TAFA5: variants seen among roughly 807,000 people sequenced by gnomAD.
TAFA5 encodes the protein TAFA chemokine like family member 5, also known as chemokine-like protein TAFA-5.
A neutral mutation model predicts 15.3 loss-of-function variants in TAFA5; 6 were observed. That is an observed-to-expected ratio of 0.39 (90% CI 0.21 to 0.77). TAFA5 has a LOEUF of 0.77. Among genes scored for constraint, TAFA5 ranks in the 30% least tolerant of loss-of-function variants. The pLI, the probability that TAFA5 is intolerant of heterozygous loss-of-function variation, is 0.41. For missense variants in TAFA5, 161 were observed against 193.1 expected (o/e 0.83, Z 0.98); for synonymous variants, 103 against 80.7 (o/e 1.28, Z -1.48).
chr22:48,546,604 C>T (rs1170463509), intron 1 of TAFA5: 11 of 471,016 alleles, frequency 2.3e-5, no homozygotes, highest in Non-Finnish European at 4.4e-5. Context: ...TTGGGGAATC[C>T]TAAAAGGATC....
chr22:48,577,651 C>T (rs1487339022), intron 1 of TAFA5, among the ~76,000 whole-genome samples: 2 of 152,196 alleles, frequency 1.3e-5, no homozygotes, highest in Non-Finnish European at 2.9e-5. Context: ...AATGAGCCGC[C>T]GGAGGCCTGG....
chr22:48,498,615 A>G (rs187324712), intron 1 of TAFA5, among the ~76,000 whole-genome samples: 1 of 152,072 alleles, frequency 6.6e-6, no homozygotes, highest in African/African-American at 2.4e-5. Flanking sequence ...CTCCCAGTTC[A>G]GGGTTTCTCA....
rs374371483 is a variant in TAFA5 at position 48,537,088 on chromosome 22, G to A, written c.112+47384G>A. Reference sequence around the variant, plus strand: ...CAAACAAAAACCCCCTCGGCCTCCCGGTCTGGCAGGAATTGGGGAGGTCCC... The same window carrying A: ...CAAACAAAAACCCCCTCGGCCTCCCAGTCTGGCAGGAATTGGGGAGGTCCC... On this transcript the variant is annotated intron_variant, in intron 1 of 3. Transcript: ENST00000402357. Among the ~76,000 whole-genome samples, 12 of 152,324 alleles carry A rather than the reference G, an allele frequency of 7.9e-5. 1 individual carries two copies. In the East Asian group the frequency reaches 1.4e-3, roughly 17 times the overall value.
intron 1 of TAFA5, among the ~76,000 whole-genome samples, chr22:48,583,622 A>AAT (rs1924186857): frequency 2.4e-4 from 1 of 4,156 alleles, no homozygotes; most frequent in Non-Finnish European, 5.5e-4. Flanking sequence ...CCACACACGA[A>AAT]ATACACCATA....
chr22:48,571,594 T>TTC (rs1923593417), intron 1 of TAFA5, among the ~76,000 whole-genome samples: 1 of 141,896 alleles, frequency 7.0e-6, no homozygotes, highest in African/African-American at 2.7e-5. Context: ...TTTTTTTTTT[T>TTC]TTTTTTTTTT....
intron 1 of TAFA5, among the ~76,000 whole-genome samples, chr22:48,585,028 A>G (rs893142016): frequency 1.8e-5 from 2 of 113,684 alleles, no homozygotes; most frequent in Admixed American, 2.2e-4. Context: ...CACCACACAC[A>G]CTAGATACCA....
At chr22:48,620,355 A>G (rs1925757890) in intron 1 of TAFA5, among the ~76,000 whole-genome samples, 1 of 151,872 alleles carries the variant, frequency 6.6e-6, no homozygotes, top group Non-Finnish European at 1.5e-5. Flanking sequence ...TCCTTCCCAT[A>G]TTTGTGTAAA....
chr22:48,629,463 A>AC (rs369817511), intron 1 of TAFA5, among the ~76,000 whole-genome samples: 49 of 152,250 alleles, frequency 3.2e-4, no homozygotes, highest in African/African-American at 1.0e-3. Context: ...CTGGGCCCCA[A>AC]CCCTCGCTGC....
intron 3 of TAFA5, among the ~76,000 whole-genome samples, chr22:48,733,352 A>G (rs540371553): frequency 1.8e-4 from 27 of 152,322 alleles, no homozygotes; most frequent in Middle Eastern, 3.4e-3. Flanking sequence ...CCAAGCCAGC[A>G]TGTGCTTCAG....
At chr22:48,721,461 A>C (rs1929568498) in intron 3 of TAFA5, among the ~76,000 whole-genome samples, 1 of 152,122 alleles carries the variant, frequency 6.6e-6, no homozygotes, top group Non-Finnish European at 1.5e-5. Flanking sequence ...GTCTGATTCC[A>C]AGTCTCATGA....
At chr22:48,691,448 G>C (rs1371716471) in intron 2 of TAFA5, among the ~76,000 whole-genome samples, 2 of 152,260 alleles carry the variant, frequency 1.3e-5, no homozygotes, top group African/African-American at 4.8e-5. Flanking sequence ...GGCCAGGACA[G>C]GGTCGCCTTG....
At chr22:48,496,961 G>A (rs1021176251) in intron 1 of TAFA5, among the ~76,000 whole-genome samples, 1 of 152,164 alleles carries the variant, frequency 6.6e-6, no homozygotes, top group African/African-American at 2.4e-5. Flanking sequence ...GAGGCTTGGC[G>A]CCCCCTCACC....
chr22:48,637,678 G>C (rs1183490631), intron 1 of TAFA5, among the ~76,000 whole-genome samples: 1 of 151,980 alleles, frequency 6.6e-6, no homozygotes, highest in Non-Finnish European at 1.5e-5. Flanking sequence ...TGTGTTTCGG[G>C]TGTGCGCATC....
intron 1 of TAFA5, chr22:48,544,814 G>T (rs545939727): frequency 1.2e-4 from 55 of 471,260 alleles, no homozygotes; most frequent in South Asian, 6.2e-5. Flanking sequence ...TGCAAACAAG[G>T]TGTGGCCTGG....
At chr22:48,655,404 TG>T (rs1194676894) in intron 2 of TAFA5, among the ~76,000 whole-genome samples, 1 of 152,218 alleles carries the variant, frequency 6.6e-6, no homozygotes, top group African/African-American at 2.4e-5. Flanking sequence ...TACACTGTTC[TG>T]GGGGCTGGGA....
chr22:48,532,052 GCTCT>G (rs951569240), intron 1 of TAFA5, among the ~76,000 whole-genome samples: 9 of 152,216 alleles, frequency 5.9e-5, no homozygotes, highest in African/African-American at 2.2e-4. Flanking sequence ...AAGGTGGGTG[GCTCT>G]CTCCCGAGCC....
chr22:48,585,933 G>A (rs755195410), intron 1 of TAFA5, among the ~76,000 whole-genome samples: 20 of 152,044 alleles, frequency 1.3e-4, no homozygotes, highest in South Asian at 6.3e-4. Context: ...CCATCACACC[G>A]CACACACACG....
intron 2 of TAFA5, among the ~76,000 whole-genome samples, chr22:48,675,670 C>T (rs898890382): frequency 6.6e-6 from 1 of 152,268 alleles, no homozygotes; most frequent in Non-Finnish European, 1.5e-5. Flanking sequence ...GGTGCAAAAG[C>T]CCGGCTTCCC....
At chr22:48,528,085 C>T (rs924436391) in intron 1 of TAFA5, among the ~76,000 whole-genome samples, 5 of 152,240 alleles carry the variant, frequency 3.3e-5, no homozygotes, top group Admixed American at 6.5e-5. Context: ...CGGGGCCCCC[C>T]GGTGCCTGTC....
Sources: allele counts gnomAD v4.1 joint callset (sites outside exome capture counted in the v4.1 genomes callset), GRCh38; gene constraint gnomAD v4.1.1; transcripts MANE v1.5; gene names NCBI Gene and HGNC (gene_info 2026-07-23, HGNC 2026-07-21).